Variants in LDLRAD3 observed in about 807,000 individuals in gnomAD.
LDLRAD3 encodes low-density lipoprotein receptor class A domain-containing protein 3.
A neutral mutation model predicts 29.4 loss-of-function variants in LDLRAD3; 20 were observed. That is an observed-to-expected ratio of 0.68 (90% confidence interval 0.48 to 0.99). LDLRAD3 has a LOEUF of 0.99. Among genes scored for constraint, LDLRAD3 ranks in the 50% least tolerant of loss-of-function variants. The pLI, the probability that LDLRAD3 is intolerant of heterozygous loss-of-function variation, is 0.00. For missense variants in LDLRAD3, 420 were observed against 454.3 expected, an observed-to-expected ratio of 0.92 and a Z score of 0.69; for synonymous variants, 157 against 192.7, an observed-to-expected ratio of 0.81 and a Z score of 1.53.
intron 4 of LDLRAD3, among the ~76,000 whole-genome samples, chr11:36,140,510 C>G (rs1854065921): frequency 6.6e-6 from 1 of 152,110 alleles, no homozygotes; most frequent in Non-Finnish European, 1.5e-5. Flanking sequence ...TTCACTGCAG[C>G]CTCTACTTCC....
intron 4 of LDLRAD3, among the ~76,000 whole-genome samples, chr11:36,186,664 GT>G (rs1854853660): frequency 1.3e-5 from 2 of 152,288 alleles, no homozygotes; most frequent in African/African-American, 4.8e-5. Context: ...TACCAGGCAG[GT>G]CCAGATTCAG....
At chr11:36,049,801 A>G (rs1255737087) in intron 2 of LDLRAD3, among the ~76,000 whole-genome samples, 1 of 152,220 alleles carries the variant, frequency 6.6e-6, no homozygotes, top group Admixed American at 6.5e-5. Flanking sequence ...CATCACTTGC[A>G]TGTACCTGAG....
intron 1 of LDLRAD3, among the ~76,000 whole-genome samples, chr11:35,954,737 G>A (rs1238510732): frequency 1.3e-5 from 2 of 152,104 alleles, no homozygotes; most frequent in Non-Finnish European, 2.9e-5. Flanking sequence ...GGCTTAAAAA[G>A]ACAAAGAAAA....
intron 1 of LDLRAD3, among the ~76,000 whole-genome samples, chr11:35,983,095 C>T (rs2133159081): frequency 6.6e-6 from 1 of 152,292 alleles, no homozygotes; most frequent in South Asian, 2.1e-4. Flanking sequence ...CTCAAGTGAT[C>T]TACCCGCCTT....
rs1266783711 is a variant in LDLRAD3 at position 35,944,274 on chromosome 11, C to G, written c.46+130C>G. ...TCCGGGCGTGGGTGAGCGCGGAGGG[C>G]GGACCCCGGCGCCGGGCTGGCCCGG... is the stretch of plus-strand genomic sequence containing the variant. On this transcript the variant is annotated intron_variant, in intron 1 of 5. Transcript: ENST00000315571. The surrounding 1 kb of genome is among the most constrained non-coding windows in gnomAD (Gnocchi z 4.9). 2.2e-6 allele frequency: 1 copy of G among 456,532 alleles called. No homozygotes were observed. Among genetic ancestry groups the G allele is most frequent in the Non-Finnish European group, 2.9e-6 (1 of 346,106 alleles). 28.3% of individuals were successfully genotyped at this position (456,532 alleles called of 1,614,324 possible).
chr11:36,086,947 G>A (rs2030834), intron 3 of LDLRAD3, among the ~76,000 whole-genome samples: 106,394 of 152,060 alleles, frequency 0.7, 37,249 homozygotes, highest in Admixed American at 0.75. Context: ...AAAGGAATAC[G>A]CATCACCATT....
intron 4 of LDLRAD3, among the ~76,000 whole-genome samples, chr11:36,225,424 C>T (rs1041811614): frequency 1.2e-4 from 18 of 152,176 alleles, no homozygotes; most frequent in Non-Finnish European, 2.5e-4. Context: ...GACTGGGAAG[C>T]TCCTTACCTG....
intron 3 of LDLRAD3, among the ~76,000 whole-genome samples, chr11:36,083,735 TACACACACACACACACACACACACACAC>T (rs59333454): frequency 9.5e-5 from 12 of 126,792 alleles, no homozygotes; most frequent in African/African-American, 3.4e-4. Flanking sequence ...AGGGAGAAAT[TACACACACACACACACACACACACACAC>T]ACACACACAC....
chr11:36,222,925 C>T (rs1253637103), intron 4 of LDLRAD3, among the ~76,000 whole-genome samples: 5 of 152,154 alleles, frequency 3.3e-5, no homozygotes, highest in Middle Eastern at 3.4e-3. Flanking sequence ...ACAGTCGAAG[C>T]GGCACGTACA....
At chr11:36,136,383 A>G (rs1854004394) in intron 4 of LDLRAD3, among the ~76,000 whole-genome samples, 1 of 152,172 alleles carries the variant, frequency 6.6e-6, no homozygotes, top group South Asian at 2.1e-4. Flanking sequence ...TCCCTGCCCA[A>G]ATCTCACGTT....
At chr11:36,221,427 CAGTA>C (rs1855425322) in intron 4 of LDLRAD3, among the ~76,000 whole-genome samples, 1 of 151,208 alleles carries the variant, frequency 6.6e-6, no homozygotes, top group African/African-American at 2.4e-5. Context: ...ACTCATGAGT[CAGTA>C]AGGGGTCTCC....
At chr11:36,204,494 C>T (rs1034201901) in intron 4 of LDLRAD3, among the ~76,000 whole-genome samples, 226 of 77,534 alleles carry the variant, frequency 2.9e-3, no homozygotes, top group Non-Finnish European at 4.9e-3. Context: ...GTTTCTCTCT[C>T]TTTCTTTTTT....
At chr11:36,133,750 G>A (rs182855766) in intron 4 of LDLRAD3, among the ~76,000 whole-genome samples, 4,375 of 147,908 alleles carry the variant, frequency 0.03, 92 homozygotes, top group Middle Eastern at 0.077. Context: ...TGTTAGCCAG[G>A]ATGGTCTTGA....
intron 4 of LDLRAD3, among the ~76,000 whole-genome samples, chr11:36,151,505 G>T (rs1362567563): frequency 6.6e-6 from 1 of 152,122 alleles, no homozygotes; most frequent in Non-Finnish European, 1.5e-5. Context: ...CTTGCCCAGG[G>T]CCACATAGCT....
intron 4 of LDLRAD3, among the ~76,000 whole-genome samples, chr11:36,202,273 G>A (rs942055770): frequency 1.3e-5 from 2 of 152,062 alleles, no homozygotes; most frequent in Non-Finnish European, 2.9e-5. Context: ...CCTGACCTCA[G>A]GTGATCCACC....
rs397815799 is a variant in LDLRAD3 at position 36,085,348 on chromosome 11, G to GTT, written c.319+3582_319+3583dup. Among the ~76,000 whole-genome samples the GTT allele has an allele frequency of 6.8e-3, 953 of 140,938 alleles. 10 individuals are homozygous for GTT. The highest frequency in any genetic ancestry group is 0.02 in the African/African-American group (760 of 38,490). The allele number at this position is 140,938 out of a possible 152,430, so 92.5% of individuals were successfully genotyped here. A position where few individuals can be genotyped will look rare whatever the true frequency, so the allele number is the denominator to read the frequency against. ...CATTTTTCTTTAGCTGCTTTGAACT[G>GTT]TTTTTTTTTTTTTGTCTTTAGTTTT... On this transcript the variant is annotated intron_variant, in intron 3 of 5. Coordinates refer to ENST00000315571, the MANE Select transcript of LDLRAD3 (RefSeq NM_174902.4).
intron 1 of LDLRAD3, among the ~76,000 whole-genome samples, chr11:35,984,984 G>A (rs1851591289): frequency 6.7e-6 from 1 of 149,074 alleles, no homozygotes; most frequent in Non-Finnish European, 1.5e-5. Flanking sequence ...ATGTGCAGTG[G>A]CATGAACATA....
chr11:36,229,358 C>T lies in LDLRAD3; in HGVS notation c.999C>T (p.Pro333=), dbSNP rs1368681651. 4 of 1,613,782 alleles carry T rather than the reference C, an allele frequency of 2.5e-6. No individual in the cohort carries two copies. The South Asian group carries it at 4.4e-5, about 18-fold the overall frequency. Residue 333 remains proline (P), a synonymous_variant, in exon 6 of 6, where the codon CCC becomes CCT. Transcript: ENST00000315571. ...GCCCCCAGGAGGGCACTGCTGAGCC[C>T]AGGGACTCTGAGCCCAGCCAGGGCA... ...QPGPQEGTAE[P]RDSEPSQGTE...
At chr11:36,003,115 T>C (rs966510040) in intron 1 of LDLRAD3, among the ~76,000 whole-genome samples, 5 of 152,186 alleles carry the variant, frequency 3.3e-5, no homozygotes, top group Admixed American at 2.6e-4. Flanking sequence ...CCAAATGCTG[T>C]TGATAAAGAG....
Sources: allele counts gnomAD v4.1 joint callset (sites outside exome capture counted in the v4.1 genomes callset), GRCh38; gene constraint gnomAD v4.1.1; non-coding constraint Gnocchi (gnomAD v3.1); transcripts MANE v1.5; gene names NCBI Gene and HGNC (gene_info 2026-07-23, HGNC 2026-07-21).